Variants in UNC13A observed in about 807,000 individuals in gnomAD.
The protein encoded by UNC13A is unc-13 homolog A.
Under a neutral mutation model 219.7 loss-of-function variants are expected in UNC13A, and 61 were observed. The observed-to-expected ratio is 0.28, with a 90% CI of 0.23 to 0.34. UNC13A has a LOEUF of 0.34. Among genes scored for constraint, UNC13A ranks in the 10% least tolerant of loss-of-function variants. UNC13A has a pLI of 1.00. For synonymous variants in UNC13A, 920 were observed against 884.6 expected, an observed-to-expected ratio of 1.04 and a Z score of -0.71; for missense variants, 1,476 against 2,270.3, an observed-to-expected ratio of 0.65 and a Z score of 7.11.
At chr19:17,647,550 C>A in intron 16 of UNC13A, 58 bp from the exon 17 acceptor site, 1 of 1,529,322 alleles carries the variant, frequency 6.5e-7, no homozygotes, top group Non-Finnish European at 8.9e-7. Flanking sequence ...GGCCCCTCAC[C>A]AAGGCGAGAG....
chr19:17,618,763 G>A, intron 39 of UNC13A, 143 bp downstream of exon 39: 2 of 825,780 alleles, frequency 2.4e-6, no homozygotes, highest in Non-Finnish European at 4.0e-6. Context: ...AATATCTTGT[G>A]CTTCAGTGAG....
chr19:17,669,920 CCTTT>C (rs946254531), intron 4 of UNC13A, among the ~76,000 whole-genome samples: 21 of 143,478 alleles, frequency 1.5e-4, no homozygotes, highest in East Asian at 2.2e-4. Flanking sequence ...TTCCTTCCTT[CCTTT>C]CTCTCTCTTT....
chr19:17,602,013 T>TAGGGGA lies in UNC13A; in HGVS notation c.*4035_*4040dup, dbSNP rs2076469477. 6.6e-6 allele frequency: 1 copy of TAGGGGA among 152,002 alleles called. No individual in the cohort carries two copies. Among genetic ancestry groups the TAGGGGA allele is most frequent in the South Asian group, 2.1e-4 (1 of 4,780 alleles). 9.4% of individuals were successfully genotyped at this position (152,002 alleles called of 1,614,324 possible). ...AAATCGACAGCACATGGGGTAGGGGTAGGGGACAGAAAGGCTCTGAGATCC... is the reference window on the plus strand; with the variant it reads ...AAATCGACAGCACATGGGGTAGGGGTAGGGGAAGGGGACAGAAAGGCTCTGAGATCC... On this transcript the variant is annotated 3_prime_UTR_variant, in exon 44 of 44. Transcript: ENST00000519716.
chr19:17,629,114 A>T (rs1392205435), intron 31 of UNC13A, 126 bp downstream of exon 31: 1 of 758,230 alleles, frequency 1.3e-6, no homozygotes, highest in East Asian at 2.7e-5. Flanking sequence ...CACACAGACA[A>T]TCCAGTCAGA....
chr19:17,673,240 C>G (rs992412646), intron 3 of UNC13A, among the ~76,000 whole-genome samples: 2 of 151,514 alleles, frequency 1.3e-5, no homozygotes, highest in African/African-American at 4.9e-5. Context: ...GTCTGTAATT[C>G]CAGCTACTCG....
At chr19:17,634,838 A>G (rs2076896114) in intron 26 of UNC13A, among the ~76,000 whole-genome samples, 2 of 151,194 alleles carry the variant, frequency 1.3e-5, no homozygotes, top group South Asian at 4.2e-4. Flanking sequence ...GGGATTACAG[A>G]CGTGTACCAC....
At chr19:17,654,594 T>G (rs10419937) in intron 11 of UNC13A, among the ~76,000 whole-genome samples, 2,167 of 152,198 alleles carry the variant, frequency 0.014, 40 homozygotes, top group African/African-American at 0.048. Flanking sequence ...AATGAAGGAA[T>G]AAACGAATGG....
rs773455290 is a variant in UNC13A, at chr19:17,648,977, C to T, written c.1531G>A (p.Val511Ile). 6.2e-7 allele frequency: 1 copy of T among 1,601,930 alleles called. No homozygotes were observed. The highest frequency in any genetic ancestry group is 1.7e-5 in the Admixed American group (1 of 57,814). Residue 511 changes from valine to isoleucine, a missense_variant, in exon 15 of 44, where the codon GTC (valine) becomes ATC (isoleucine). This residue lies in a region of UNC13A where 85 missense variants were observed against 211.5 expected (regional missense o/e 0.40). Coordinates refer to ENST00000519716, the MANE Select transcript of UNC13A (RefSeq NM_001080421.3). The stretch of plus-strand genomic sequence containing the variant: ...GTGATGCCCGCTTTCCTGGACTGGA[C>T]CAGGGACTGGGGAGGTCACAGAAGA... ...PLVSDLAMSL[V>I]QSRKAGITSA...
chr19:17,640,504 G>A lies in UNC13A; in HGVS notation c.2787+7C>T, dbSNP rs956874822. ...CTAATTCTCCAATCCCAGTCCCCAG[G>A]ACTGACCCCAAAGTTGGAGGCGGCG... On this transcript the variant is annotated splice_region_variant and intron_variant, in intron 22 of 43. Coordinates refer to ENST00000519716, the MANE Select transcript of UNC13A (RefSeq NM_001080421.3). The A allele has an allele frequency of 1.3e-6, 2 of 1,548,614 alleles. No homozygotes were observed. The highest frequency in any genetic ancestry group is 2.0e-5 in the Admixed American group (1 of 50,940).
At chr19:17,620,559 A>AG in intron 38 of UNC13A, 134 bp downstream of exon 38, 1 of 898,738 alleles carries the variant, frequency 1.1e-6, no homozygotes, top group Non-Finnish European at 1.8e-6. Flanking sequence ...AGACAGACAA[A>AG]GGAAGAAGAG....
At chr19:17,661,346 AG>A (rs2079547708) in intron 8 of UNC13A, among the ~76,000 whole-genome samples, 1 of 152,120 alleles carries the variant, frequency 6.6e-6, no homozygotes, top group Admixed American at 6.6e-5. Context: ...GATATGAGGA[AG>A]GAGTGAAGGA....
chr19:17,627,935 G>A lies in UNC13A; in HGVS notation c.3759C>T (p.Cys1253=). 4 of 1,592,898 alleles carry A rather than the reference G, an allele frequency of 2.5e-6. No homozygotes were observed. Among genetic ancestry groups the A allele is most frequent in the Non-Finnish European group, 3.4e-6 (4 of 1,167,832 alleles). The change falls in exon 32 of 44, where the codon TGC becomes TGT. Residue 1253 remains cysteine (C), a synonymous_variant. Transcript: ENST00000519716. This position sits in a 1 kb window ranked among gnomAD's most constrained non-coding sequence, Gnocchi z 4.7. Reference sequence around the variant, plus strand: ...GCTGTTGAGTGTTATTCATGAGAATGCAGGGCTGTGGGTGGGAACAGAGAG... The same window carrying A: ...GCTGTTGAGTGTTATTCATGAGAATACAGGGCTGTGGGTGGGAACAGAGAG... ...YCSKEKEKVP[C]ILMNNTQQLR...
At chr19:17,610,240 TG>T in intron 42 of UNC13A, 141 bp from the exon 43 acceptor site, 1 of 1,093,008 alleles carries the variant, frequency 9.1e-7, no homozygotes, top group Non-Finnish European at 1.3e-6. Flanking sequence ...CCAAGGCGGG[TG>T]GATCACTTGA....
In UNC13A at chr19:17,688,160, C is replaced by G; in HGVS notation, c.22+18G>C. The G allele has an allele frequency of 6.5e-7, 1 of 1,527,960 alleles. No individual in the cohort carries two copies. The highest frequency in any genetic ancestry group is 8.8e-7 in the Non-Finnish European group (1 of 1,137,556). The allele number at this position is 1,527,960 out of a possible 1,614,324, so 94.7% of individuals were successfully genotyped here. A position where few individuals can be genotyped will look rare whatever the true frequency, so the allele number is the denominator to read the frequency against. On this transcript the variant is annotated intron_variant, in intron 1 of 43. Coordinates refer to ENST00000519716, the MANE Select transcript of UNC13A (RefSeq NM_001080421.3). Reference sequence around the variant, plus strand: ...CCGCGTCCACACGGGTCCCCCGACCCCCAGCCTCGCCTCCTACCTCCAACG... The same window carrying G: ...CCGCGTCCACACGGGTCCCCCGACCGCCAGCCTCGCCTCCTACCTCCAACG...
At chr19:17,663,473 C>G in intron 8 of UNC13A, 59 bp downstream of exon 8, 1 of 1,589,704 alleles carries the variant, frequency 6.3e-7, no homozygotes, top group Non-Finnish European at 8.6e-7. Flanking sequence ...GCCTTGGGAT[C>G]ACCAAGGTGC....
intron 19 of UNC13A, 43 bp from the exon 20 acceptor site, chr19:17,643,003 T>C (rs376333879): frequency 6.6e-6 from 10 of 1,513,864 alleles, no homozygotes; most frequent in African/African-American, 1.4e-5. Flanking sequence ...CTTCCCACTA[T>C]AGCAGTGGGC....
At chr19:17,659,629 C>T (rs1023491638) in intron 8 of UNC13A, among the ~76,000 whole-genome samples, 2 of 151,686 alleles carry the variant, frequency 1.3e-5, no homozygotes, top group African/African-American at 2.4e-5. Context: ...ATTAGCTGGG[C>T]GTGGTGGTGG....
chr19:17,649,303 A>G lies in UNC13A; in HGVS notation c.1524+36T>C, dbSNP rs749977197. 2 of 1,561,944 alleles carry G rather than the reference A, an allele frequency of 1.3e-6. No individual in the cohort carries two copies. Among genetic ancestry groups the G allele is most frequent in the Non-Finnish European group, 1.7e-6 (2 of 1,160,306 alleles). On this transcript the variant is annotated intron_variant, in intron 14 of 43. Transcript: ENST00000519716. This position sits in a 1 kb window ranked among gnomAD's most constrained non-coding sequence, Gnocchi z 4.4. The stretch of plus-strand genomic sequence containing the variant: ...AAGATCCCAGTGGGGGAGTTTGGGG[A>G]GAAGATCCCAAGAGGCCCATGTCGC...
intron 26 of UNC13A, among the ~76,000 whole-genome samples, chr19:17,634,574 A>T (rs780444323): frequency 6.6e-6 from 1 of 152,178 alleles, no homozygotes; most frequent in Non-Finnish European, 1.5e-5. Context: ...TCCTGACCTC[A>T]GGTGATCCTC....
Sources: allele counts gnomAD v4.1 joint callset (sites outside exome capture counted in the v4.1 genomes callset), GRCh38; gene constraint gnomAD v4.1.1; regional missense constraint gnomAD v4.1.1; non-coding constraint Gnocchi (gnomAD v3.1); transcripts MANE v1.5; gene names NCBI Gene and HGNC (gene_info 2026-07-23, HGNC 2026-07-21).